Variants in DNAI1 observed in about 807,000 individuals in gnomAD.
DNAI1 encodes the protein dynein axonemal intermediate chain 1, also known as dynein, axonemal, intermediate polypeptide 1.
DNAI1 carries 67 observed loss-of-function variants against 92.0 expected under a neutral mutation model. The ratio of observed to expected loss-of-function variants is 0.73; its 90% confidence interval spans 0.60 to 0.89. DNAI1 has a LOEUF of 0.89. Ranked by LOEUF, DNAI1 falls within the 40% of genes least tolerant of loss-of-function variation. DNAI1 has a pLI of 0.00. For missense variants in DNAI1, 839 were observed against 866.6 expected, an observed-to-expected ratio of 0.97 and a Z score of 0.40; for synonymous variants, 323 against 319.6, an observed-to-expected ratio of 1.01 and a Z score of -0.11.
chr9:34,517,793 G>A (rs1007383508), intron 19 of DNAI1, among the ~76,000 whole-genome samples: 7 of 152,216 alleles, frequency 4.6e-5, no homozygotes, highest in African/African-American at 1.7e-4. Flanking sequence ...GGGTAGGACA[G>A]GTCACCCAGG....
At chr9:34,482,956 G>A (rs1824397206) in intron 1 of DNAI1, among the ~76,000 whole-genome samples, 1 of 152,224 alleles carries the variant, frequency 6.6e-6, no homozygotes, top group Non-Finnish European at 1.5e-5. Flanking sequence ...CAGTGCTGGT[G>A]GGCCAGCACT....
At chr9:34,488,032 T>G (rs1352113227) in intron 4 of DNAI1, 1 of 375,150 alleles carries the variant, frequency 2.7e-6, no homozygotes, top group African/African-American at 2.2e-5. Context: ...AAATCTCAAA[T>G]GAAACTGTAA....
At chr9:34,506,472 A>G (rs895730365) in intron 12 of DNAI1, among the ~76,000 whole-genome samples, 155 bp from the exon 13 acceptor site, 2 of 152,162 alleles carry the variant, frequency 1.3e-5, no homozygotes, top group African/African-American at 2.4e-5. Flanking sequence ...ATTCCACTTC[A>G]CAGATGGAAA....
At chr9:34,492,856 A>G (rs1307188144) in intron 8 of DNAI1, among the ~76,000 whole-genome samples, 1 of 151,920 alleles carries the variant, frequency 6.6e-6, no homozygotes, top group Non-Finnish European at 1.5e-5. Flanking sequence ...AGTCTTTTAA[A>G]TCACCAACAA....
intron 1 of DNAI1, among the ~76,000 whole-genome samples, chr9:34,479,431 T>G (rs1824298833): frequency 6.6e-6 from 1 of 152,356 alleles, no homozygotes. Context: ...TGTAGCTGAT[T>G]TCATTGGCCT....
intron 13 of DNAI1, among the ~76,000 whole-genome samples, chr9:34,509,984 A>ATCC (rs1245848349): frequency 1.3e-5 from 2 of 152,226 alleles, no homozygotes; most frequent in African/African-American, 2.4e-5. Flanking sequence ...AGAGGGAGGC[A>ATCC]TCCTCCAGGC....
intron 8 of DNAI1, among the ~76,000 whole-genome samples, chr9:34,491,962 C>T (rs1824609461): frequency 6.6e-6 from 1 of 152,172 alleles, no homozygotes; most frequent in African/African-American, 2.4e-5. Flanking sequence ...CTGCAGCCCC[C>T]CTCCTCCCCC....
At chr9:34,492,793 T>C (rs1824635599) in intron 8 of DNAI1, among the ~76,000 whole-genome samples, 1 of 151,888 alleles carries the variant, frequency 6.6e-6, no homozygotes, top group African/African-American at 2.4e-5. Context: ...AGTGCTGGCA[T>C]TACAGGTGTA....
At position 34,517,579 on chromosome 9, in the gene DNAI1, G is replaced by C. The variant is rs1379687259; in HGVS notation, c.2001+112G>C. 15 of 1,249,668 alleles carry C rather than the reference G, an allele frequency of 1.2e-5. No homozygotes were observed. In the East Asian group the frequency reaches 3.4e-4, roughly 28 times the overall value. 77.4% of individuals were successfully genotyped at this position (1,249,668 alleles called of 1,614,324 possible). The stretch of plus-strand genomic sequence containing the variant: ...CCCAGTTTCTGATGTGGGAGACCCA[G>C]GGTAAGGATGGTGTCATTGCCTGAA... On this transcript the variant is annotated intron_variant, in intron 19 of 19. Coordinates refer to ENST00000242317, the MANE Select transcript of DNAI1 (RefSeq NM_012144.4).
intron 8 of DNAI1, among the ~76,000 whole-genome samples, chr9:34,492,271 C>G (rs569804996): frequency 2.6e-5 from 4 of 151,804 alleles, no homozygotes; most frequent in Non-Finnish European, 5.9e-5. Context: ...CTTCCCAGCT[C>G]TAGGGAGCAC....
chr9:34,505,834 G>A (rs1477049454), intron 12 of DNAI1, among the ~76,000 whole-genome samples: 1 of 152,212 alleles, frequency 6.6e-6, no homozygotes, highest in Non-Finnish European at 1.5e-5. Context: ...CTCCAGCTTC[G>A]GCTCCCCTGA....
chr9:34,519,922 A>G (rs1308163613), intron 19 of DNAI1, among the ~76,000 whole-genome samples: 2 of 152,192 alleles, frequency 1.3e-5, no homozygotes, highest in Non-Finnish European at 2.9e-5. Context: ...AGGAGTTCTC[A>G]GGACCTGTGG....
rs200245894 is a variant in DNAI1 at position 34,458,965 on chromosome 9, T to C, written c.-41T>C. On this transcript the variant is annotated 5_prime_UTR_variant, in exon 1 of 20. Coordinates refer to ENST00000242317, the MANE Select transcript of DNAI1 (RefSeq NM_012144.4). This position sits in a 1 kb window ranked among gnomAD's most constrained non-coding sequence, Gnocchi z 6.6. ...CAAGGAGACGGACAAACTTTTTGTC[T>C]TCAGACGAGGGAGCGTTTTGTAGGC... is the stretch of plus-strand genomic sequence containing the variant. The C allele has an allele frequency of 3.5e-4, 563 of 1,606,616 alleles. 2 individuals are homozygous for C. The Middle Eastern group carries it at 3.8e-3, about 11-fold the overall frequency.
chr9:34,474,566 C>CT (rs1824204315), intron 1 of DNAI1, among the ~76,000 whole-genome samples: 3 of 132,448 alleles, frequency 2.3e-5, no homozygotes, highest in Non-Finnish European at 3.3e-5. Flanking sequence ...TTTTTTTTTT[C>CT]CTTTTTTTTT....
In DNAI1 at chr9:34,517,397, T is replaced by C. The variant is rs1227310699; in HGVS notation, c.1931T>C (p.Ile644Thr). 6.2e-7 allele frequency: 1 copy of C among 1,614,050 alleles called. No individual in the cohort carries two copies. The highest frequency in any genetic ancestry group is 8.5e-7 in the Non-Finnish European group (1 of 1,180,026). Residue 644 changes from isoleucine (I) to threonine (T), a missense_variant, in exon 19 of 20, where the codon ATC (isoleucine) becomes ACC (threonine). By Grantham distance (89) the Ile-to-Thr change is moderately conservative (BLOSUM62 -1). Coordinates refer to ENST00000242317, the MANE Select transcript of DNAI1 (RefSeq NM_012144.4). ...HVQFNLIHPI[I>T]IVGDDRGHII... ...CAGTTCAATCTCATCCACCCCATCA[T>C]CATTGTGGGCGATGACCGTGGGCAC... is the stretch of plus-strand genomic sequence containing the variant.
chr9:34,491,103 G>A (rs1221695979), intron 7 of DNAI1, among the ~76,000 whole-genome samples: 6 of 152,206 alleles, frequency 3.9e-5, no homozygotes, highest in Non-Finnish European at 8.8e-5. Flanking sequence ...TTCCCCTGGT[G>A]GAGCCAGAGA....
chr9:34,494,508 G>C (rs1029924995), intron 9 of DNAI1, among the ~76,000 whole-genome samples: 1 of 152,154 alleles, frequency 6.6e-6, no homozygotes, highest in Non-Finnish European at 1.5e-5. Flanking sequence ...GGGGCCACTG[G>C]CCTAGGTCAG....
intron 1 of DNAI1, among the ~76,000 whole-genome samples, chr9:34,482,893 T>G (rs1824394366): frequency 6.6e-6 from 1 of 152,202 alleles, no homozygotes; most frequent in African/African-American, 2.4e-5. Flanking sequence ...GGGCTGCAGG[T>G]CCCGAGCCCT....
intron 1 of DNAI1, among the ~76,000 whole-genome samples, chr9:34,473,283 TTA>T (rs1824175428): frequency 1.3e-5 from 2 of 148,838 alleles, no homozygotes; most frequent in South Asian, 4.2e-4. Context: ...CTTATTATTA[TTA>T]TTATTATTAT....
Sources: gnomAD v4.1 joint callset for allele counts (sites outside exome capture counted in the v4.1 genomes callset) on GRCh38, gnomAD v4.1.1 for gene constraint, Gnocchi (gnomAD v3.1) non-coding constraint, MANE v1.5 for transcripts, NCBI Gene and HGNC (gene_info 2026-07-23, HGNC 2026-07-21) for gene names.